The following TAFA5 variants were observed in gnomAD, a reference collection of about 807,000 sequenced individuals.
TAFA5 encodes chemokine-like protein TAFA-5.
Under a neutral mutation model 15.3 loss-of-function variants are expected in TAFA5, and 6 were observed. The observed-to-expected ratio is 0.39, with a 90% CI of 0.21 to 0.77. TAFA5 has a LOEUF of 0.77. Ranked by LOEUF, TAFA5 falls within the 30% of genes least tolerant of loss-of-function variation. TAFA5 has a pLI of 0.41. For synonymous variants in TAFA5, 103 were observed against 80.7 expected (o/e 1.28, Z -1.48); for missense variants, 161 against 193.1 (o/e 0.83, Z 0.98).
intron 3 of TAFA5, among the ~76,000 whole-genome samples, chr22:48,725,990 A>G (rs1929704225): frequency 6.6e-6 from 1 of 152,222 alleles, no homozygotes; most frequent in Non-Finnish European, 1.5e-5. Flanking sequence ...TTTGAATTTC[A>G]AGAACAAAGG....
chr22:48,697,358 A>G (rs534548820), intron 2 of TAFA5, among the ~76,000 whole-genome samples: 2 of 139,096 alleles, frequency 1.4e-5, no homozygotes, highest in East Asian at 4.0e-4. Context: ...GATGATGATG[A>G]TAATGATGAC....
At chr22:48,747,940 C>A (rs997270982) in intron 3 of TAFA5, among the ~76,000 whole-genome samples, 4 of 150,932 alleles carry the variant, frequency 2.7e-5, no homozygotes, top group African/African-American at 9.8e-5. Context: ...CTTCATACAG[C>A]AGGCTCCTCC....
intron 2 of TAFA5, among the ~76,000 whole-genome samples, chr22:48,684,819 C>A (rs1035658361): frequency 6.6e-6 from 1 of 152,184 alleles, no homozygotes; most frequent in East Asian, 1.9e-4. Context: ...CCTGCTCACA[C>A]GCTGTGCCCG....
chr22:48,714,846 G>T (rs1009358412), intron 3 of TAFA5, among the ~76,000 whole-genome samples: 3 of 152,170 alleles, frequency 2.0e-5, no homozygotes, highest in African/African-American at 7.2e-5. Context: ...TGCTGTCTTG[G>T]GAGGCTCTCG....
At chr22:48,633,944 G>A (rs1359777736) in intron 1 of TAFA5, among the ~76,000 whole-genome samples, 4 of 152,166 alleles carry the variant, frequency 2.6e-5, no homozygotes, top group African/African-American at 7.2e-5. Context: ...CTAGGGCCTG[G>A]GCGAGGCCCC....
At chr22:48,584,503 CCACACACACA>C (rs372447681) in intron 1 of TAFA5, among the ~76,000 whole-genome samples, 7 of 148,130 alleles carry the variant, frequency 4.7e-5, no homozygotes, top group African/African-American at 1.8e-4. Flanking sequence ...ACAAAATACA[CCACACACACA>C]CACACATACA....
intron 1 of TAFA5, among the ~76,000 whole-genome samples, chr22:48,555,647 G>A (rs1923010258): frequency 6.6e-6 from 1 of 152,202 alleles, no homozygotes; most frequent in South Asian, 2.1e-4. Flanking sequence ...CACGCCACGG[G>A]CACCCCGTGG....
At chr22:48,734,636 T>G (rs942964884) in intron 3 of TAFA5, among the ~76,000 whole-genome samples, 2 of 152,240 alleles carry the variant, frequency 1.3e-5, no homozygotes, top group Non-Finnish European at 2.9e-5. Flanking sequence ...AGGACCATGT[T>G]TGGCAAAGTC....
chr22:48,697,089 G>A (rs1166989587), intron 2 of TAFA5, among the ~76,000 whole-genome samples: 2 of 152,328 alleles, frequency 1.3e-5, no homozygotes, highest in South Asian at 4.1e-4. Context: ...GTTCTGAGCT[G>A]TAATCTACTG....
intron 1 of TAFA5, among the ~76,000 whole-genome samples, chr22:48,629,204 C>T (rs1426759935): frequency 6.6e-6 from 1 of 152,156 alleles, no homozygotes; most frequent in Non-Finnish European, 1.5e-5. Flanking sequence ...CTGCTTCAGC[C>T]CCATCTAGGC....
chr22:48,707,998 TCTC>T (rs1929135929), intron 3 of TAFA5, among the ~76,000 whole-genome samples, 154 bp downstream of exon 3: 1 of 152,104 alleles, frequency 6.6e-6, no homozygotes, highest in Admixed American at 6.5e-5. Context: ...CCCACCTCCC[TCTC>T]TGGTGCTAAA....
intron 2 of TAFA5, among the ~76,000 whole-genome samples, chr22:48,667,740 C>A (rs943796031): frequency 2.7e-5 from 4 of 150,526 alleles, no homozygotes; most frequent in Non-Finnish European, 5.9e-5. Flanking sequence ...GAGCGTTAAT[C>A]CCCCAGCACT....
At chr22:48,655,681 G>A (rs1001230060) in intron 2 of TAFA5, among the ~76,000 whole-genome samples, 2 of 152,186 alleles carry the variant, frequency 1.3e-5, no homozygotes, top group East Asian at 1.9e-4. Flanking sequence ...TTTAGACCAC[G>A]GCAATTTAGA....
At chr22:48,515,763 C>T (rs887177782) in intron 1 of TAFA5, among the ~76,000 whole-genome samples, 2 of 152,178 alleles carry the variant, frequency 1.3e-5, no homozygotes, top group South Asian at 2.1e-4. Flanking sequence ...AGGGACAGTG[C>T]GGGGACTTGG....
At chr22:48,671,522 C>T (rs1927803938) in intron 2 of TAFA5, among the ~76,000 whole-genome samples, 1 of 152,190 alleles carries the variant, frequency 6.6e-6, no homozygotes, top group South Asian at 2.1e-4. Flanking sequence ...CCAAGCCATC[C>T]AGAGTGGTGG....
intron 1 of TAFA5, among the ~76,000 whole-genome samples, chr22:48,609,308 T>G (rs28580595): frequency 0.14 from 21,072 of 151,976 alleles, 1,642 homozygotes; most frequent in African/African-American, 0.21. Context: ...GGAGCCAAGT[T>G]TCTGAGTTAA....
chr22:48,543,320 C>T (rs1226844185), intron 1 of TAFA5: 2 of 152,120 alleles, frequency 1.3e-5, no homozygotes, highest in Non-Finnish European at 2.9e-5. Context: ...AGACAAAATC[C>T]TTCATAAAAG....
chr22:48,703,470 G>A (rs918241413), intron 2 of TAFA5, among the ~76,000 whole-genome samples: 1 of 152,202 alleles, frequency 6.6e-6, no homozygotes, highest in Non-Finnish European at 1.5e-5. Context: ...CCAAGATGCT[G>A]AAAGCTGGCA....
In TAFA5 at chr22:48,531,864, G is replaced by A. The variant is rs541931852; in HGVS notation, c.112+42160G>A. On this transcript the variant is annotated intron_variant, in intron 1 of 3. Transcript: ENST00000402357. ...CACCCCCCAACTCCCCCGGAAGGAC[G>A]GACGGGCCTGGCAGGGCAGGAGAGG... 6.6e-5 allele frequency among the ~76,000 whole-genome samples: 10 copies of A among 152,330 alleles called. No homozygotes were observed. The East Asian group carries it at 1.5e-3, about 24-fold the overall frequency.
Sources: allele counts gnomAD v4.1 joint callset (sites outside exome capture counted in the v4.1 genomes callset), GRCh38; gene constraint gnomAD v4.1.1; transcripts MANE v1.5; gene names NCBI Gene and HGNC (gene_info 2026-07-23, HGNC 2026-07-21).